STK31: variants seen among roughly 807,000 people sequenced by gnomAD.
The protein encoded by STK31 is serine/threonine kinase 31.
In STK31, 89 loss-of-function variants were observed where a neutral mutation model predicts 129.7. The observed-to-expected ratio is 0.69, with a 90% CI of 0.58 to 0.82. STK31 has a LOEUF of 0.82. STK31 is among the 40% of genes least tolerant of loss of function. STK31 has a pLI of 0.00. For synonymous variants in STK31, 448 were observed against 395.3 expected, an observed-to-expected ratio of 1.13 and a Z score of -1.58; for missense variants, 1,187 against 1,176.4, an observed-to-expected ratio of 1.01 and a Z score of -0.13.
rs774334183 is a variant in STK31, at chr7:23,737,016, G to A, written c.955G>A (p.Ala319Thr). 11 of 1,612,604 alleles carry A rather than the reference G, an allele frequency of 6.8e-6. No homozygotes were observed. Among genetic ancestry groups the A allele is most frequent in the South Asian group, 6.6e-5 (6 of 90,940 alleles). Residue 319 changes from alanine (A) to threonine (T), a missense_variant, in exon 8 of 24, where the codon GCT becomes ACT. Transcript: ENST00000355870. ...TGAAAAACTTAAAACAGAGAAGGAC[G>A]CTCTTCTTGAAAGTTATAAGGCGTT... is the stretch of plus-strand genomic sequence containing the variant. ...ENEKLKTEKD[A>T]LLESYKALEL...
chr7:23,798,585 T>G (rs2128119013), intron 22 of STK31, among the ~76,000 whole-genome samples: 1 of 152,272 alleles, frequency 6.6e-6, no homozygotes, highest in Non-Finnish European at 1.5e-5. Flanking sequence ...AAACTAGGTA[T>G]TGATGGAATG....
At chr7:23,730,259 A>G (rs1741899282) in intron 6 of STK31, among the ~76,000 whole-genome samples, 1 of 152,222 alleles carries the variant, frequency 6.6e-6, no homozygotes, top group African/African-American at 2.4e-5. Flanking sequence ...TGTGGAAAAC[A>G]GTTTAATCAT....
At chr7:23,733,106 A>G (rs971248644) in intron 6 of STK31, among the ~76,000 whole-genome samples, 1 of 152,100 alleles carries the variant, frequency 6.6e-6, no homozygotes, top group Admixed American at 6.5e-5. Flanking sequence ...TCTTGATATA[A>G]TGTGTGTATT....
intron 23 of STK31, among the ~76,000 whole-genome samples, chr7:23,824,437 C>T (rs958209323): frequency 3.5e-4 from 53 of 152,124 alleles, no homozygotes; most frequent in Non-Finnish European, 5.7e-4. Context: ...GTGATTTTTG[C>T]ACATTGATTT....
chr7:23,732,314 T>C (rs1787479791), intron 6 of STK31, among the ~76,000 whole-genome samples: 1 of 152,174 alleles, frequency 6.6e-6, no homozygotes. Flanking sequence ...TGCCTAAATA[T>C]ATTTTTTAAG....
At chr7:23,763,388 G>T (rs1789598724) in intron 11 of STK31, among the ~76,000 whole-genome samples, 1 of 152,160 alleles carries the variant, frequency 6.6e-6, no homozygotes, top group Non-Finnish European at 1.5e-5. Flanking sequence ...GTGGAATCTT[G>T]TCTTCAGCTC....
At chr7:23,824,994 G>T (rs1455033529) in intron 23 of STK31, among the ~76,000 whole-genome samples, 1 of 152,088 alleles carries the variant, frequency 6.6e-6, no homozygotes, top group African/African-American at 2.4e-5. Flanking sequence ...GCTGGATTCG[G>T]TTTGCCAGTA....
intron 23 of STK31, among the ~76,000 whole-genome samples, chr7:23,830,808 C>T (rs891814546): frequency 6.6e-6 from 1 of 152,020 alleles, no homozygotes; most frequent in Non-Finnish European, 1.5e-5. Flanking sequence ...TTAGTAGAGA[C>T]GAGGTTTCAC....
At chr7:23,776,101 A>G (rs1790522652) in intron 15 of STK31, among the ~76,000 whole-genome samples, 1 of 152,198 alleles carries the variant, frequency 6.6e-6, no homozygotes, top group African/African-American at 2.4e-5. Flanking sequence ...GGTTTTTGTC[A>G]TTGGTTCTGT....
At chr7:23,802,790 A>G (rs1158310263) in intron 22 of STK31, among the ~76,000 whole-genome samples, 2 of 152,226 alleles carry the variant, frequency 1.3e-5, no homozygotes, top group Non-Finnish European at 1.5e-5. Context: ...CTGGGATTAC[A>G]GGAGTGAGCC....
At position 23,740,286 on chromosome 7, in the gene STK31, G is replaced by A. The variant is rs117261376; in HGVS notation, c.1017+3208G>A. Among the ~76,000 whole-genome samples, 444 of 152,220 alleles carry A rather than the reference G, an allele frequency of 2.9e-3. 15 individuals are homozygous for A. In the East Asian group the frequency reaches 0.074, roughly 25 times the overall value. ...ATTTGACATGTTTTAATCCACTGAA[G>A]CCATTTTTTTTCTTTTTGATGCACA... On this transcript the variant is annotated intron_variant, in intron 8 of 23. Coordinates refer to ENST00000355870, the MANE Select transcript of STK31 (RefSeq NM_031414.5).
At chr7:23,791,069 T>G in intron 22 of STK31, 123 bp downstream of exon 22, 7 of 1,020,244 alleles carry the variant, frequency 6.9e-6, no homozygotes, top group Non-Finnish European at 8.9e-6. Context: ...CTTTAAGTTT[T>G]AACAAAAACT....
intron 8 of STK31, among the ~76,000 whole-genome samples, chr7:23,750,608 A>G (rs1562570844): frequency 6.6e-6 from 1 of 152,138 alleles, no homozygotes; most frequent in South Asian, 2.1e-4. Flanking sequence ...ACAAATTTTG[A>G]TATGTTTTGT....
At chr7:23,822,245 T>C (rs901350533) in intron 23 of STK31, among the ~76,000 whole-genome samples, 14 of 152,326 alleles carry the variant, frequency 9.2e-5, no homozygotes, top group South Asian at 2.1e-4. Flanking sequence ...ATTTTAACAA[T>C]ACTAATCTTC....
At chr7:23,823,237 T>A (rs553281470) in intron 23 of STK31, among the ~76,000 whole-genome samples, 1 of 152,292 alleles carries the variant, frequency 6.6e-6, no homozygotes, top group Admixed American at 6.5e-5. Flanking sequence ...TTCCTGTTTC[T>A]CCACATCATC....
chr7:23,805,961 G>T (rs1348261253), intron 22 of STK31, among the ~76,000 whole-genome samples: 1 of 152,206 alleles, frequency 6.6e-6, no homozygotes, highest in Non-Finnish European at 1.5e-5. Context: ...ATAGATATGA[G>T]AATTTTGTGT....
intron 6 of STK31, among the ~76,000 whole-genome samples, chr7:23,730,087 C>A (rs1424709066): frequency 1.3e-5 from 2 of 152,070 alleles, no homozygotes; most frequent in South Asian, 4.2e-4. Flanking sequence ...TTCTGGAAGA[C>A]GTTCGATAAT....
chr7:23,790,803 T>A (rs1330826620), intron 21 of STK31, 21 bp from the exon 22 acceptor site: 1 of 1,572,908 alleles, frequency 6.4e-7, no homozygotes. Flanking sequence ...ATCTGAAATA[T>A]GTAAAATATT....
upstream of STK31, chr7:23,710,143 C>G (rs3807889): frequency 0.064 from 92,337 of 1,443,754 alleles, 3,257 homozygotes; most frequent in East Asian, 0.12. Context: ...GGCGGCAGGC[C>G]GTGGCTGCCA....
Sources: allele counts gnomAD v4.1 joint callset (sites outside exome capture counted in the v4.1 genomes callset), GRCh38; gene constraint gnomAD v4.1.1; transcripts MANE v1.5; gene names NCBI Gene and HGNC (gene_info 2026-07-23, HGNC 2026-07-21).